Variants in LRRTM4 observed in about 807,000 individuals in gnomAD.
LRRTM4 encodes leucine-rich repeat transmembrane neuronal protein 4.
Under a neutral mutation model 47.6 loss-of-function variants are expected in LRRTM4, and 25 were observed. The observed-to-expected ratio is 0.53, with a 90% CI of 0.38 to 0.73. LRRTM4 has a LOEUF of 0.73. Ranked by LOEUF, LRRTM4 falls within the 30% of genes least tolerant of loss-of-function variation. LRRTM4 has a pLI of 0.00. For synonymous variants in LRRTM4, 311 were observed against 269.5 expected (o/e 1.15, Z -1.51); for missense variants, 638 against 713.4 (o/e 0.89, Z 1.20).
At chr2:76,960,090 A>T (rs535334767) in intron 3 of LRRTM4, among the ~76,000 whole-genome samples, 1 of 151,632 alleles carries the variant, frequency 6.6e-6, no homozygotes, top group Non-Finnish European at 1.5e-5. Flanking sequence ...AAGGTCTCCC[A>T]GTAGGACTGC....
intron 3 of LRRTM4, among the ~76,000 whole-genome samples, chr2:77,097,912 A>G (rs1670854209): frequency 6.6e-6 from 1 of 152,006 alleles, no homozygotes; most frequent in African/African-American, 2.4e-5. Flanking sequence ...ATTAAAATCT[A>G]CAAGCTCTGG....
At chr2:76,872,026 T>C (rs902518364) in intron 3 of LRRTM4, among the ~76,000 whole-genome samples, 6 of 152,220 alleles carry the variant, frequency 3.9e-5, no homozygotes, top group African/African-American at 1.4e-4. Flanking sequence ...AAGACCTAGC[T>C]AAGCCATGTC....
chr2:77,062,475 T>G (rs924601304), intron 3 of LRRTM4, among the ~76,000 whole-genome samples: 1 of 152,208 alleles, frequency 6.6e-6, no homozygotes, highest in Non-Finnish European at 1.5e-5. Context: ...ATAATAATTT[T>G]AATCAGTGTT....
chr2:77,514,664 T>C (rs1425907078), intron 3 of LRRTM4, among the ~76,000 whole-genome samples: 3 of 152,008 alleles, frequency 2.0e-5, no homozygotes, highest in Non-Finnish European at 4.4e-5. Flanking sequence ...TGAAACACTT[T>C]GGATGGAGAG....
intron 3 of LRRTM4, among the ~76,000 whole-genome samples, chr2:77,079,076 A>G (rs1007615405): frequency 6.6e-6 from 1 of 152,170 alleles, no homozygotes; most frequent in Non-Finnish European, 1.5e-5. Context: ...ATACCATCAC[A>G]TTGAGGGTCA....
At chr2:77,214,642 T>C (rs957824838) in intron 3 of LRRTM4, among the ~76,000 whole-genome samples, 2 of 152,104 alleles carry the variant, frequency 1.3e-5, no homozygotes, top group African/African-American at 4.8e-5. Flanking sequence ...ATTAAACCTT[T>C]CCTTAAGTAC....
At chr2:77,282,668 A>G (rs1479630750) in intron 3 of LRRTM4, among the ~76,000 whole-genome samples, 1 of 152,012 alleles carries the variant, frequency 6.6e-6, no homozygotes, top group Non-Finnish European at 1.5e-5. Context: ...GGAACAGAAT[A>G]GAAAACCCGG....
intron 3 of LRRTM4, among the ~76,000 whole-genome samples, chr2:77,275,818 G>A (rs1341809033): frequency 6.6e-6 from 1 of 151,934 alleles, no homozygotes; most frequent in African/African-American, 2.4e-5. Context: ...AAATAATATA[G>A]ATAAGGAAAT....
At chr2:76,790,727 A>G (rs1050101068) in intron 3 of LRRTM4, among the ~76,000 whole-genome samples, 6 of 150,822 alleles carry the variant, frequency 4.0e-5, no homozygotes, top group African/African-American at 1.5e-4. Context: ...AGTGAAATTT[A>G]ACAGGCAAAA....
At chr2:77,259,349 C>T (rs1336940563) in intron 3 of LRRTM4, among the ~76,000 whole-genome samples, 2 of 152,014 alleles carry the variant, frequency 1.3e-5, no homozygotes, top group Non-Finnish European at 2.9e-5. Context: ...TGAGACAATG[C>T]ACACAATATG....
rs542184784 is a variant in LRRTM4, at chr2:77,081,222, C to A, written c.1552-332306G>T. ...ATTGTTTCTGTTCCCTAAAGTATTC[C>A]CAGCACCGAAAAATACCTGACAGCA... On this transcript the variant is annotated intron_variant, in intron 3 of 3. Coordinates refer to ENST00000409884, the MANE Select transcript of LRRTM4 (RefSeq NM_001134745.3). Among the ~76,000 whole-genome samples, 14 of 147,224 alleles carry A rather than the reference C, an allele frequency of 9.5e-5. No homozygotes were observed. In the South Asian group the frequency reaches 3.1e-3, roughly 32 times the overall value.
At chr2:76,774,786 A>G (rs1022272402) in intron 3 of LRRTM4, among the ~76,000 whole-genome samples, 7 of 152,214 alleles carry the variant, frequency 4.6e-5, no homozygotes, top group African/African-American at 1.7e-4. Flanking sequence ...AAACATTTCT[A>G]TAGAGTACCA....
chr2:77,410,220 T>G (rs1252592179), intron 3 of LRRTM4, among the ~76,000 whole-genome samples: 2 of 152,146 alleles, frequency 1.3e-5, no homozygotes, highest in East Asian at 3.9e-4. Context: ...GGCTTTATAA[T>G]TCAGTAGAAA....
intron 3 of LRRTM4, among the ~76,000 whole-genome samples, chr2:76,763,047 T>A (rs1053678446): frequency 6.6e-6 from 1 of 152,184 alleles, no homozygotes; most frequent in Non-Finnish European, 1.5e-5. Flanking sequence ...TAGAATGGCA[T>A]TCTCTTCCTT....
chr2:77,219,987 G>A (rs1009631473), intron 3 of LRRTM4, among the ~76,000 whole-genome samples: 2 of 152,056 alleles, frequency 1.3e-5, no homozygotes, highest in Non-Finnish European at 2.9e-5. Context: ...TCACACGGCC[G>A]GATACTCCTC....
chr2:77,000,441 T>C (rs577947083), intron 3 of LRRTM4, among the ~76,000 whole-genome samples: 2 of 152,148 alleles, frequency 1.3e-5, no homozygotes, highest in Admixed American at 1.3e-4. Context: ...AGGTAGAGCA[T>C]TGCTTATGCC....
chr2:76,916,384 C>CAA lies in LRRTM4; in HGVS notation c.1552-167470_1552-167469dup, dbSNP rs57874749. 6.9e-3 allele frequency among the ~76,000 whole-genome samples: 368 copies of CAA among 52,994 alleles called. 16 individuals carry two copies. Among genetic ancestry groups the CAA allele is most frequent in the African/African-American group, 0.017 (212 of 12,508 alleles). The allele number at this position is 52,994 out of a possible 152,430, so 34.8% of individuals were successfully genotyped here. A position where few individuals can be genotyped will look rare whatever the true frequency, so the allele number is the denominator to read the frequency against. ...TGGGCGACAGAGCGAGACTGTGTCT[C>CAA]AAAAAAAAAAAAAAAAAAAAAAAGA... is the stretch of plus-strand genomic sequence containing the variant. On this transcript the variant is annotated intron_variant, in intron 3 of 3. Transcript: ENST00000409884.
chr2:77,214,220 T>C (rs1674374641), intron 3 of LRRTM4, among the ~76,000 whole-genome samples: 2 of 152,172 alleles, frequency 1.3e-5, no homozygotes, highest in South Asian at 2.1e-4. Flanking sequence ...ACCAATAAAA[T>C]GAATGCACGG....
intron 3 of LRRTM4, among the ~76,000 whole-genome samples, chr2:76,870,136 G>A (rs1672581660): frequency 6.6e-6 from 1 of 152,142 alleles, no homozygotes; most frequent in Non-Finnish European, 1.5e-5. Flanking sequence ...TTTCTCACCA[G>A]AAAGACAGAT....
Sources: gnomAD v4.1 joint callset for allele counts (sites outside exome capture counted in the v4.1 genomes callset) on GRCh38, gnomAD v4.1.1 for gene constraint, MANE v1.5 for transcripts, NCBI Gene and HGNC (gene_info 2026-07-23, HGNC 2026-07-21) for gene names.